Variants in EPHA6 observed in about 807,000 individuals in gnomAD.
The protein encoded by EPHA6 is ephrin type-A receptor 6.
A neutral mutation model predicts 112.0 loss-of-function variants in EPHA6; 50 were observed. The ratio of observed to expected loss-of-function variants is 0.45; its 90% CI spans 0.36 to 0.56. The LOEUF (loss-of-function observed/expected upper bound fraction) is 0.56, where lower values mean the gene tolerates loss of function less well. Ranked by LOEUF, EPHA6 falls within the 20% of genes least tolerant of loss-of-function variation. EPHA6 has a pLI of 0.00. For missense variants in EPHA6, 1,280 were observed against 1,417.4 expected (o/e 0.90, Z 1.56); for synonymous variants, 529 against 490.7 (o/e 1.08, Z -1.03).
At chr3:97,243,834 A>G in intron 4 of EPHA6, 118 bp from the exon 5 acceptor site, 4 of 748,858 alleles carry the variant, frequency 5.3e-6, no homozygotes, top group Non-Finnish European at 8.6e-6. Flanking sequence ...ATCCCATTAG[A>G]AAAAGAGTTC....
At chr3:97,633,909 C>T (rs1011111163) in intron 13 of EPHA6, among the ~76,000 whole-genome samples, 28 of 152,112 alleles carry the variant, frequency 1.8e-4, no homozygotes, top group Non-Finnish European at 4.1e-4. Context: ...TCCTCTCAGC[C>T]AGACAGAGGT....
At chr3:97,713,822 G>A (rs1385444503) in intron 14 of EPHA6, among the ~76,000 whole-genome samples, 1 of 152,218 alleles carries the variant, frequency 6.6e-6, no homozygotes. Flanking sequence ...CAGAAGTCTG[G>A]CCTGCCAGCA....
At chr3:97,599,159 G>A (rs1451876097) in intron 12 of EPHA6, among the ~76,000 whole-genome samples, 4 of 151,728 alleles carry the variant, frequency 2.6e-5, no homozygotes, top group Middle Eastern at 3.4e-3. Flanking sequence ...GTAGATTCTG[G>A]ATATTAGCCC....
At chr3:97,500,996 A>G (rs1382594239) in intron 10 of EPHA6, among the ~76,000 whole-genome samples, 1 of 152,150 alleles carries the variant, frequency 6.6e-6, no homozygotes, top group African/African-American at 2.4e-5. Context: ...TCTTCGTAAT[A>G]TTTTCATAAT....
In EPHA6 at chr3:97,466,306, C is replaced by T. The variant is rs148268704; in HGVS notation, c.1895-9046C>T. The T allele has an allele frequency of 1.4e-5, 20 of 1,473,200 alleles. No homozygotes were observed. In the African/African-American group the frequency reaches 2.0e-4, roughly 14 times the overall value. The allele number at this position is 1,473,200 out of a possible 1,614,324, so 91.3% of individuals were successfully genotyped here. A position where few individuals can be genotyped will look rare whatever the true frequency, so the allele number is the denominator to read the frequency against. ...CATTCCCCTCAAGCAACATAATAAA[C>T]AATGAGAAGTAACTATACCTAGTTT... On this transcript the variant is annotated intron_variant, in intron 7 of 17. Transcript: ENST00000389672.
chr3:97,736,250 ATTTCAT>A (rs2035247333), intron 16 of EPHA6, 132 bp downstream of exon 16: 2 of 563,592 alleles, frequency 3.5e-6, no homozygotes, highest in African/African-American at 3.8e-5. Context: ...TGGAAACCAT[ATTTCAT>A]TTATCAGCTG....
intron 3 of EPHA6, among the ~76,000 whole-genome samples, chr3:97,069,412 T>TTC (rs1006367873): frequency 1.3e-5 from 2 of 152,152 alleles, no homozygotes; most frequent in African/African-American, 4.8e-5. Flanking sequence ...GAAGGGTATC[T>TTC]GCACATAAGT....
At chr3:97,529,034 A>G (rs2092663984) in intron 10 of EPHA6, among the ~76,000 whole-genome samples, 1 of 152,162 alleles carries the variant, frequency 6.6e-6, no homozygotes, top group Non-Finnish European at 1.5e-5. Flanking sequence ...TTATCATTCC[A>G]ATCATCTGTT....
chr3:97,648,232 C>T (rs2094081251), intron 14 of EPHA6: 2 of 755,558 alleles, frequency 2.6e-6, no homozygotes, highest in African/African-American at 3.5e-5. Context: ...AATATATAAT[C>T]TGCATAATTA....
chr3:97,556,668 G>A (rs1237064906), intron 11 of EPHA6, among the ~76,000 whole-genome samples: 1 of 151,904 alleles, frequency 6.6e-6, no homozygotes, highest in Admixed American at 6.6e-5. Flanking sequence ...ATTTGGGTGG[G>A]GACAGAGCCA....
At chr3:96,942,908 C>T (rs2041053272) in intron 2 of EPHA6, among the ~76,000 whole-genome samples, 1 of 152,006 alleles carries the variant, frequency 6.6e-6, no homozygotes, top group Non-Finnish European at 1.5e-5. Context: ...AATTTCGAGA[C>T]CTAAATTTCA....
intron 12 of EPHA6, among the ~76,000 whole-genome samples, chr3:97,602,930 T>C (rs909534368): frequency 2.0e-5 from 3 of 152,020 alleles, no homozygotes; most frequent in Admixed American, 6.6e-5. Flanking sequence ...TTTTTATTGC[T>C]TCCTAATAGT....
At chr3:96,903,059 G>T (rs2038706272) in intron 2 of EPHA6, among the ~76,000 whole-genome samples, 1 of 152,160 alleles carries the variant, frequency 6.6e-6, no homozygotes. Context: ...TGATATAAAA[G>T]TTATAGACTT....
At chr3:97,331,766 CA>C (rs2082810144) in intron 5 of EPHA6, among the ~76,000 whole-genome samples, 1 of 151,894 alleles carries the variant, frequency 6.6e-6, no homozygotes. Context: ...GCTTACCAAC[CA>C]AAAAAAGTCC....
At chr3:97,712,398 C>T (rs1432205167) in intron 14 of EPHA6, among the ~76,000 whole-genome samples, 3 of 152,092 alleles carry the variant, frequency 2.0e-5, no homozygotes, top group South Asian at 2.1e-4. Flanking sequence ...TATCAGCTAT[C>T]CCCCTGAGTC....
At chr3:96,981,732 G>T (rs1213091869) in intron 2 of EPHA6, among the ~76,000 whole-genome samples, 1 of 151,972 alleles carries the variant, frequency 6.6e-6, no homozygotes, top group Non-Finnish European at 1.5e-5. Context: ...CAATTTCAGA[G>T]CTTGTTGTTG....
At chr3:97,687,561 A>C (rs2032346258) in intron 14 of EPHA6, among the ~76,000 whole-genome samples, 1 of 152,218 alleles carries the variant, frequency 6.6e-6, no homozygotes, top group Admixed American at 6.5e-5. Context: ...GGATCAATTA[A>C]GTTATTTTTA....
intron 5 of EPHA6, among the ~76,000 whole-genome samples, chr3:97,252,824 A>G (rs975931015): frequency 1.3e-5 from 2 of 152,192 alleles, no homozygotes; most frequent in Non-Finnish European, 2.9e-5. Context: ...ATTAAACCCT[A>G]AGAGAGTTGG....
chr3:97,354,985 A>G (rs912511433), intron 5 of EPHA6, among the ~76,000 whole-genome samples: 3 of 152,108 alleles, frequency 2.0e-5, no homozygotes, highest in African/African-American at 4.8e-5. Context: ...CAAACAAACA[A>G]CCCTTTATCC....
Sources: gnomAD v4.1 joint callset for allele counts (sites outside exome capture counted in the v4.1 genomes callset) on GRCh38, gnomAD v4.1.1 for gene constraint, MANE v1.5 for transcripts, NCBI Gene and HGNC (gene_info 2026-07-23, HGNC 2026-07-21) for gene names.